The following SPATA9 variants were observed in gnomAD, a reference collection of about 807,000 sequenced individuals.
SPATA9 encodes spermatogenesis-associated protein 9.
SPATA9 carries 27 observed loss-of-function variants against 25.5 expected under a neutral mutation model. The ratio of observed to expected loss-of-function variants is 1.06; its 90% CI spans 0.78 to 1.46. SPATA9 has a LOEUF of 1.46. SPATA9 is among the 40% of genes most tolerant of loss of function. SPATA9 has a pLI of 0.00. For synonymous variants in SPATA9, 102 were observed against 105.7 expected, an observed-to-expected ratio of 0.97 and a Z score of 0.21; for missense variants, 282 against 297.5, an observed-to-expected ratio of 0.95 and a Z score of 0.38.
chr5:95,712,723 A>G, the SPATA9 span, among the ~76,000 whole-genome samples: 2 of 152,210 alleles, frequency 1.3e-5, no homozygotes, highest in Admixed American at 6.5e-5. Flanking sequence ...CCCAGACATC[A>G]TGGAGCCGAT....
At chr5:95,672,394 C>A (rs1421225346) in intron 3 of SPATA9, among the ~76,000 whole-genome samples, 1 of 151,648 alleles carries the variant, frequency 6.6e-6, no homozygotes, top group East Asian at 1.9e-4. Flanking sequence ...GTTGCTGGAA[C>A]CCCTGGAGCA....
chr5:95,684,955 T>G (rs1206207371), upstream of SPATA9, among the ~76,000 whole-genome samples: 1 of 152,218 alleles, frequency 6.6e-6, no homozygotes, highest in Non-Finnish European at 1.5e-5. Flanking sequence ...GAACAGAACT[T>G]TTGTTTTGCA....
chr5:95,683,262 A>G (rs1032281422), upstream of SPATA9, among the ~76,000 whole-genome samples: 1 of 152,228 alleles, frequency 6.6e-6, no homozygotes, highest in Non-Finnish European at 1.5e-5. Context: ...TGCTTTATAT[A>G]TGATGCCAAA....
At chr5:95,692,812 C>A (rs1753923963) in intron 1 of SPATA9, among the ~76,000 whole-genome samples, 1 of 152,040 alleles carries the variant, frequency 6.6e-6, no homozygotes, top group Non-Finnish European at 1.5e-5. Flanking sequence ...TCTATAAAAT[C>A]TCCACTTTTT....
downstream of SPATA9, among the ~76,000 whole-genome samples, chr5:95,654,904 A>T (rs1469522804): frequency 1.3e-5 from 2 of 152,012 alleles, no homozygotes; most frequent in Non-Finnish European, 2.9e-5. Flanking sequence ...TTATTTTTAT[A>T]ATATAACAAA....
chr5:95,722,560 G>A, the SPATA9 span, among the ~76,000 whole-genome samples: 4 of 152,026 alleles, frequency 2.6e-5, no homozygotes, highest in East Asian at 1.9e-4. Flanking sequence ...GCGTGACCTC[G>A]GCTCACGCAA....
At chr5:95,668,731 T>C (rs1408047236) in intron 3 of SPATA9, among the ~76,000 whole-genome samples, 1 of 152,240 alleles carries the variant, frequency 6.6e-6, no homozygotes, top group Non-Finnish European at 1.5e-5. Context: ...ATTTTGAACC[T>C]TTAATTCAAC....
At chr5:95,721,647 T>A in the SPATA9 span, among the ~76,000 whole-genome samples, 1 of 146,112 alleles carries the variant, frequency 6.8e-6, no homozygotes, top group African/African-American at 2.5e-5. Context: ...ATATTTTAAA[T>A]ATTTAAGGAG....
At chr5:95,685,774 T>C (rs1580352286), upstream of SPATA9, among the ~76,000 whole-genome samples, 2 of 152,226 alleles carry the variant, frequency 1.3e-5, no homozygotes, top group East Asian at 3.8e-4. Flanking sequence ...TCTAAAAGTA[T>C]CAATACAAAT....
chr5:95,722,621 C>G, the SPATA9 span, among the ~76,000 whole-genome samples: 1 of 152,180 alleles, frequency 6.6e-6, no homozygotes. Flanking sequence ...TCCCAAGTAG[C>G]TGGGACTACA....
At chr5:95,717,485 C>G in the SPATA9 span, 1 of 152,128 alleles carries the variant, frequency 6.6e-6, no homozygotes, top group Non-Finnish European at 1.5e-5. Context: ...TACACACACA[C>G]TACACACACA....
chr5:95,713,014 T>C, the SPATA9 span, among the ~76,000 whole-genome samples: 1 of 152,224 alleles, frequency 6.6e-6, no homozygotes, highest in Non-Finnish European at 1.5e-5. Context: ...TATATTCTCC[T>C]ATTAAGTTTG....
chr5:95,730,084 T>TAA, the SPATA9 span, among the ~76,000 whole-genome samples: 9 of 145,958 alleles, frequency 6.2e-5, no homozygotes, highest in Non-Finnish European at 9.1e-5. Flanking sequence ...GAAATTAGAT[T>TAA]AAAAAAAAAA....
the SPATA9 span, among the ~76,000 whole-genome samples, chr5:95,714,216 T>A: frequency 6.6e-6 from 1 of 152,170 alleles, no homozygotes; most frequent in Non-Finnish European, 1.5e-5. Flanking sequence ...CAATTGGATA[T>A]ACAGGCTCGA....
upstream of SPATA9, among the ~76,000 whole-genome samples, chr5:95,683,858 T>A (rs1380764249): frequency 6.6e-6 from 1 of 152,192 alleles, no homozygotes; most frequent in Non-Finnish European, 1.5e-5. Context: ...TATATTTTAG[T>A]GTGAATGAAA....
downstream of SPATA9, among the ~76,000 whole-genome samples, chr5:95,653,379 G>T (rs1423146083): frequency 6.6e-6 from 1 of 152,254 alleles, no homozygotes; most frequent in South Asian, 2.1e-4. Context: ...GCTTTCAGCA[G>T]AAGGCTGAAA....
intron 2 of SPATA9, among the ~76,000 whole-genome samples, chr5:95,676,293 G>A (rs1752948484): frequency 6.6e-6 from 1 of 152,012 alleles, no homozygotes; most frequent in Admixed American, 6.6e-5. Context: ...GGGAACAGCT[G>A]GTATTTGATT....
the SPATA9 span, among the ~76,000 whole-genome samples, chr5:95,719,295 C>G: frequency 2.0e-5 from 3 of 152,116 alleles, no homozygotes; most frequent in Admixed American, 2.0e-4. Context: ...AGAAGTGCTT[C>G]AGGAGGATGA....
At chr5:95,716,509 C>T in the SPATA9 span, among the ~76,000 whole-genome samples, 490 of 152,324 alleles carry the variant, frequency 3.2e-3, 1 homozygote, top group African/African-American at 0.011. Flanking sequence ...ATGTCTGTAC[C>T]CCCATTGTAT....
Sources: allele counts gnomAD v4.1 joint callset (sites outside exome capture counted in the v4.1 genomes callset), GRCh38; gene constraint gnomAD v4.1.1; transcripts MANE v1.5; gene names NCBI Gene and HGNC (gene_info 2026-07-23, HGNC 2026-07-21).